GTF2IRD1: variants seen among roughly 807,000 people sequenced by gnomAD.
GTF2IRD1 encodes general transcription factor II-I repeat domain-containing protein 1.
A neutral mutation model predicts 113.2 loss-of-function variants in GTF2IRD1; 26 were observed. That is an observed-to-expected ratio of 0.23 (90% CI 0.17 to 0.32). The LOEUF (loss-of-function observed/expected upper bound fraction) is 0.32. Ranked by LOEUF, GTF2IRD1 falls within the 10% of genes least tolerant of loss-of-function variation. The pLI is 1.00. For synonymous variants in GTF2IRD1, 484 were observed against 529.1 expected (o/e 0.91, Z 1.17); for missense variants, 864 against 1,280.8 (o/e 0.67, Z 4.97).
intron 8 of GTF2IRD1, among the ~76,000 whole-genome samples, chr7:74,528,869 A>AGATG (rs781849655): frequency 0.014 from 1,460 of 101,674 alleles, 27 homozygotes; most frequent in African/African-American, 0.03. Context: ...ATGAATGGGC[A>AGATG]GATGGATGGA....
Position 74,601,194 on chromosome 7 carries a change from G to A in GTF2IRD1, c.2766+14G>A, listed in dbSNP as rs781959471. 29 of 1,566,426 alleles carry A rather than the reference G, an allele frequency of 1.9e-5. No individual in the cohort carries two copies. The highest frequency in any genetic ancestry group is 4.7e-5 in the East Asian group (2 of 42,372). ...ATCTCACTCGTGGTAAAGTTGCACC[G>A]ATTTGGACTCCGGCACTCATCTCTG... On this transcript the variant is annotated intron_variant, in intron 26 of 26. Transcript: ENST00000424337.
intron 9 of GTF2IRD1, among the ~76,000 whole-genome samples, chr7:74,532,159 C>T (rs1242269708): frequency 6.6e-6 from 1 of 152,126 alleles, no homozygotes; most frequent in Non-Finnish European, 1.5e-5. Flanking sequence ...TCTGCCTCCA[C>T]CCCCAATGCC....
chr7:74,583,942 C>G (rs1801577038), intron 22 of GTF2IRD1, among the ~76,000 whole-genome samples: 1 of 152,110 alleles, frequency 6.6e-6, no homozygotes, highest in Admixed American at 6.6e-5. Flanking sequence ...GTGTGGTGGT[C>G]ACCTCCTCTG....
At chr7:74,579,489 G>T (rs587633315) in intron 22 of GTF2IRD1, among the ~76,000 whole-genome samples, 2 of 152,004 alleles carry the variant, frequency 1.3e-5, no homozygotes, top group African/African-American at 4.8e-5. Flanking sequence ...GTGGTGGCTC[G>T]TGCCGGTAGT....
intron 1 of GTF2IRD1, among the ~76,000 whole-genome samples, chr7:74,474,296 C>T (rs1286163562): frequency 1.3e-5 from 2 of 152,202 alleles, no homozygotes; most frequent in African/African-American, 4.8e-5. Flanking sequence ...TTTCAGGACT[C>T]ACAATGCCTG....
At chr7:74,553,159 CAG>C (rs1799409050) in intron 17 of GTF2IRD1, among the ~76,000 whole-genome samples, 1 of 151,514 alleles carries the variant, frequency 6.6e-6, no homozygotes, top group Non-Finnish European at 1.5e-5. Flanking sequence ...TTTTTTGAGA[CAG>C]AGTCTCACTC....
chr7:74,525,758 A>G (rs782524191), intron 8 of GTF2IRD1, among the ~76,000 whole-genome samples: 34 of 152,194 alleles, frequency 2.2e-4, no homozygotes, highest in Non-Finnish European at 4.1e-4. Context: ...CTTTCTCTCA[A>G]AAAAAGAAAA....
chr7:74,536,791 G>A (rs1281962733), intron 11 of GTF2IRD1, among the ~76,000 whole-genome samples: 1 of 151,450 alleles, frequency 6.6e-6, no homozygotes, highest in Non-Finnish European at 1.5e-5. Context: ...GGGTGACAGA[G>A]CAAGACTCTA....
At chr7:74,460,025 G>A (rs1554328673) in intron 1 of GTF2IRD1, among the ~76,000 whole-genome samples, 1 of 151,892 alleles carries the variant, frequency 6.6e-6, no homozygotes, top group African/African-American at 2.4e-5. Flanking sequence ...ACCCAGGCTG[G>A]AGTGCAGTGG....
chr7:74,587,009 A>G (rs1554368053), intron 22 of GTF2IRD1, among the ~76,000 whole-genome samples: 1 of 152,154 alleles, frequency 6.6e-6, no homozygotes, highest in Non-Finnish European at 1.5e-5. Flanking sequence ...TTAGTCTGGC[A>G]TGGTGATTCA....
intron 16 of GTF2IRD1, among the ~76,000 whole-genome samples, chr7:74,546,336 C>G (rs1187164051): frequency 6.6e-5 from 10 of 151,366 alleles, no homozygotes; most frequent in Non-Finnish European, 1.2e-4. Context: ...ATTCTCCTGC[C>G]TCACCCTCCC....
intron 22 of GTF2IRD1, among the ~76,000 whole-genome samples, chr7:74,568,490 T>G (rs1225314920): frequency 6.6e-6 from 1 of 151,760 alleles, no homozygotes; most frequent in African/African-American, 2.4e-5. Flanking sequence ...CTACTAAAAA[T>G]ACAAAAAATT....
intron 24 of GTF2IRD1, among the ~76,000 whole-genome samples, chr7:74,593,635 A>G (rs1802209420): frequency 6.6e-6 from 1 of 150,514 alleles, no homozygotes; most frequent in African/African-American, 2.4e-5. Context: ...CGAGAGGCTG[A>G]GGCAGGAGAA....
chr7:74,498,902 G>C (rs1338827014), intron 1 of GTF2IRD1, among the ~76,000 whole-genome samples: 1 of 151,892 alleles, frequency 6.6e-6, no homozygotes, highest in Admixed American at 6.6e-5. Context: ...CTAATTTTTT[G>C]TATTTTTAGT....
chr7:74,524,604 G>C (rs1186252064), intron 8 of GTF2IRD1, among the ~76,000 whole-genome samples: 4 of 152,174 alleles, frequency 2.6e-5, no homozygotes, highest in African/African-American at 9.7e-5. Flanking sequence ...AGTGGCTCAT[G>C]CCTGTAATCC....
chr7:74,506,583 G>C (rs1554341121), intron 1 of GTF2IRD1: 1 of 152,204 alleles, frequency 6.6e-6, no homozygotes, highest in Admixed American at 6.5e-5. Context: ...AGAGCACCGG[G>C]ACTGAGCCCA....
intron 23 of GTF2IRD1, 133 bp downstream of exon 23, chr7:74,590,061 C>T: frequency 1.6e-6 from 1 of 612,186 alleles, no homozygotes; most frequent in East Asian, 2.9e-5. Flanking sequence ...GGCTGCTCTG[C>T]CCATGACCCA....
At chr7:74,597,188 G>T (rs1288488366) in intron 25 of GTF2IRD1, among the ~76,000 whole-genome samples, 2 of 151,674 alleles carry the variant, frequency 1.3e-5, no homozygotes, top group Non-Finnish European at 2.9e-5. Flanking sequence ...GATTACAGGC[G>T]CCTGCCACCA....
intron 1 of GTF2IRD1, among the ~76,000 whole-genome samples, chr7:74,465,816 C>CTGGA (rs1415936175): frequency 2.6e-5 from 4 of 152,150 alleles, no homozygotes; most frequent in African/African-American, 9.7e-5. Context: ...GTTGCCCAGG[C>CTGGA]TGGAGTGCAG....
Sources: gnomAD v4.1 joint callset for allele counts (sites outside exome capture counted in the v4.1 genomes callset) on GRCh38, gnomAD v4.1.1 for gene constraint, MANE v1.5 for transcripts, NCBI Gene and HGNC (gene_info 2026-07-23, HGNC 2026-07-21) for gene names.